Variants in TFCP2 observed in about 807,000 individuals in gnomAD.
The protein encoded by TFCP2 is alpha-globin transcription factor CP2.
In TFCP2, 33 loss-of-function variants were observed where a neutral mutation model predicts 73.4. That is an observed-to-expected ratio of 0.45 (90% CI 0.34 to 0.60). TFCP2 has a LOEUF of 0.60. Ranked by LOEUF, TFCP2 falls within the 20% of genes least tolerant of loss-of-function variation. TFCP2 has a pLI of 0.01. For synonymous variants in TFCP2, 193 were observed against 211.6 expected (o/e 0.91, Z 0.76); for missense variants, 352 against 604.0 (o/e 0.58, Z 4.37).
chr12:51,132,275 A>C (rs1940959849), intron 1 of TFCP2, among the ~76,000 whole-genome samples: 1 of 146,890 alleles, frequency 6.8e-6, no homozygotes, highest in East Asian at 2.0e-4. Context: ...CTCCTTCCAC[A>C]CTGGATCTGG....
At chr12:51,101,708 A>G (rs924083891) in intron 11 of TFCP2, among the ~76,000 whole-genome samples, 2 of 152,238 alleles carry the variant, frequency 1.3e-5, no homozygotes, top group Non-Finnish European at 2.9e-5. Context: ...ATGAATTTTC[A>G]TTGGAAAATT....
chr12:51,142,074 A>G (rs533899047), intron 1 of TFCP2, among the ~76,000 whole-genome samples: 7 of 151,512 alleles, frequency 4.6e-5, no homozygotes, highest in South Asian at 2.1e-4. Flanking sequence ...GTGGTGGTGC[A>G]CACCTGTAAT....
intron 1 of TFCP2, among the ~76,000 whole-genome samples, chr12:51,127,037 A>G (rs140307035): frequency 2.6e-5 from 4 of 152,376 alleles, no homozygotes; most frequent in African/African-American, 9.6e-5. Flanking sequence ...AGCAGCATAT[A>G]TGATTTTTAA....
At chr12:51,150,719 G>A (rs1223164750) in intron 1 of TFCP2, among the ~76,000 whole-genome samples, 1 of 152,176 alleles carries the variant, frequency 6.6e-6, no homozygotes, top group Non-Finnish European at 1.5e-5. Flanking sequence ...GCAAAAATCA[G>A]TCTCAATAAA....
intron 1 of TFCP2, among the ~76,000 whole-genome samples, chr12:51,141,103 A>ATTT (rs3053456): frequency 2.5e-4 from 38 of 149,416 alleles, no homozygotes; most frequent in South Asian, 8.4e-4. Context: ...TATTTTTTAC[A>ATTT]TTTTTTTTGG....
intron 1 of TFCP2, among the ~76,000 whole-genome samples, chr12:51,139,829 G>A (rs980799129): frequency 1.3e-5 from 2 of 152,180 alleles, no homozygotes; most frequent in Admixed American, 1.3e-4. Flanking sequence ...CAATAATGCT[G>A]TGAGGTAGGA....
At chr12:51,171,270 G>A (rs1214046996) in intron 1 of TFCP2, among the ~76,000 whole-genome samples, 2 of 152,126 alleles carry the variant, frequency 1.3e-5, no homozygotes. Context: ...TTCCATACAG[G>A]ATTCTTACAC....
chr12:51,124,778 CT>C (rs764292520), intron 1 of TFCP2: 68 of 807,014 alleles, frequency 8.4e-5, no homozygotes, highest in Non-Finnish European at 1.3e-4. Context: ...CAACCTTTTT[CT>C]GCTGCTCAGC....
At chr12:51,117,918 C>T (rs186805348) in intron 2 of TFCP2, among the ~76,000 whole-genome samples, 171 bp from the exon 3 acceptor site, 2 of 152,296 alleles carry the variant, frequency 1.3e-5, no homozygotes, top group East Asian at 3.9e-4. Flanking sequence ...AGTATTGTCA[C>T]ATTATCTCAT....
At chr12:51,133,146 A>T (rs1940986496) in intron 1 of TFCP2, among the ~76,000 whole-genome samples, 1 of 152,160 alleles carries the variant, frequency 6.6e-6, no homozygotes. Flanking sequence ...TAAAAAAAGA[A>T]AGGTACATTC....
intron 1 of TFCP2, among the ~76,000 whole-genome samples, chr12:51,158,714 C>A (rs1057184379): frequency 5.9e-5 from 9 of 151,474 alleles, no homozygotes; most frequent in African/African-American, 1.9e-4. Context: ...GTCTCAAACT[C>A]CTGACCTCAA....
chr12:51,160,618 T>C (rs1220874222), intron 1 of TFCP2, among the ~76,000 whole-genome samples: 3 of 152,044 alleles, frequency 2.0e-5, no homozygotes, highest in African/African-American at 7.2e-5. Flanking sequence ...TGCTGAAAAT[T>C]AAGGACATAG....
chr12:51,121,597 C>T (rs1225396778), intron 1 of TFCP2, among the ~76,000 whole-genome samples: 1 of 151,082 alleles, frequency 6.6e-6, no homozygotes, highest in Non-Finnish European at 1.5e-5. Flanking sequence ...TCCCAAGTAG[C>T]TGGGACTACA....
At chr12:51,108,142 TG>T (rs909350732) in intron 6 of TFCP2, among the ~76,000 whole-genome samples, 2 of 151,270 alleles carry the variant, frequency 1.3e-5, no homozygotes, top group African/African-American at 4.8e-5. Flanking sequence ...AAAAATTAGC[TG>T]GGCATGGTGG....
intron 4 of TFCP2, among the ~76,000 whole-genome samples, chr12:51,115,050 A>C (rs534065895): frequency 4.1e-5 from 3 of 74,072 alleles, no homozygotes; most frequent in African/African-American, 1.4e-4. Flanking sequence ...AACAAGAGCG[A>C]AACTCCATCT....
intron 1 of TFCP2, among the ~76,000 whole-genome samples, chr12:51,163,909 A>AAAGAATAAAT (rs1334924770): frequency 6.6e-6 from 1 of 152,066 alleles, no homozygotes; most frequent in Admixed American, 6.6e-5. Flanking sequence ...TAAGTGAAAT[A>AAAGAATAAAT]AAGAATAAAA....
chr12:51,110,779 G>A (rs1404769439), intron 5 of TFCP2, 98 bp downstream of exon 5: 3 of 934,032 alleles, frequency 3.2e-6, no homozygotes, highest in East Asian at 4.9e-5. Flanking sequence ...CTAGAACCCT[G>A]TAAAGATTTC....
chr12:51,111,747 A>G (rs558046455), intron 4 of TFCP2, among the ~76,000 whole-genome samples: 4 of 152,086 alleles, frequency 2.6e-5, no homozygotes, highest in African/African-American at 7.2e-5. Flanking sequence ...CCAGCTACTC[A>G]GGAGGCTGAA....
intron 1 of TFCP2, among the ~76,000 whole-genome samples, chr12:51,136,029 G>A (rs545051834): frequency 5.3e-5 from 8 of 152,082 alleles, no homozygotes; most frequent in African/African-American, 9.7e-5. Context: ...TTCCCTGGCC[G>A]GGCGCGGTGG....
Sources: gnomAD v4.1 joint callset for allele counts (sites outside exome capture counted in the v4.1 genomes callset) on GRCh38, gnomAD v4.1.1 for gene constraint, MANE v1.5 for transcripts, NCBI Gene and HGNC (gene_info 2026-07-23, HGNC 2026-07-21) for gene names.